Variants in DYRK1A observed in about 807,000 individuals in gnomAD.
DYRK1A encodes the protein dual specificity tyrosine-phosphorylation-regulated kinase 1A.
A neutral mutation model predicts 79.7 loss-of-function variants in DYRK1A; 9 were observed. The ratio of observed to expected loss-of-function variants is 0.11; its 90% CI spans 0.07 to 0.20. The LOEUF (loss-of-function observed/expected upper bound fraction) is 0.20, where lower values mean the gene tolerates loss of function less well. Ranked by LOEUF, DYRK1A falls within the 10% of genes least tolerant of loss-of-function variation. The probability of loss-of-function intolerance (pLI) is 1.00; values close to 1 mark genes in which losing one functional copy is unlikely to be tolerated. For missense variants in DYRK1A, 622 were observed against 956.0 expected (o/e 0.65, Z 4.61); for synonymous variants, 349 against 329.7 (o/e 1.06, Z -0.63).
intron 1 of DYRK1A, 39 bp downstream of exon 1, chr21:37,367,667 C>T (rs1208952136): frequency 6.9e-6 from 1 of 145,020 alleles, no homozygotes; most frequent in Non-Finnish European, 1.5e-5. Flanking sequence ...CCCGGCCTGG[C>T]GCTCGGCTCC....
rs757084747 is a variant in DYRK1A at position 37,519,008 on chromosome 21, A to G, written c.*6477A>G. ...TTTATGGTGCATTACAAAATGTTAT[A>G]AACAAGCCTCCGGGAAAGGCAGAAA... is the stretch of plus-strand genomic sequence containing the variant. On this transcript the variant is annotated 3_prime_UTR_variant, in exon 12 of 12. Transcript: ENST00000647188. The G allele has an allele frequency of 6.6e-6, 1 of 152,236 alleles. No homozygotes were observed. Among genetic ancestry groups the G allele is most frequent in the East Asian group, 1.9e-4 (1 of 5,194 alleles). The allele number at this position is 152,236 out of a possible 1,614,324, so 9.4% of individuals were successfully genotyped here.
At chr21:37,492,899 G>T in intron 7 of DYRK1A, 118 bp from the exon 8 acceptor site, 1 of 764,718 alleles carries the variant, frequency 1.3e-6, no homozygotes, top group Non-Finnish European at 2.0e-6. Flanking sequence ...TTAATCAATG[G>T]AACCCTAATT....
At chr21:37,370,503 G>A (rs1467174101) in intron 1 of DYRK1A, among the ~76,000 whole-genome samples, 1 of 152,146 alleles carries the variant, frequency 6.6e-6, no homozygotes, top group Non-Finnish European at 1.5e-5. Context: ...CTTGGTATTT[G>A]TGATTAGGCG....
intron 9 of DYRK1A, among the ~76,000 whole-genome samples, chr21:37,500,938 TTC>T (rs201988061): frequency 6.0e-5 from 9 of 150,984 alleles, no homozygotes; most frequent in African/African-American, 9.7e-5. Flanking sequence ...TCTTTTTTTT[TTC>T]TTTTCTTTTT....
Position 37,506,208 on chromosome 21 carries a change from G to T in DYRK1A, c.1629G>T (p.Glu543Asp). Reference protein sequence around the residue: ...FTAAVQAMDCETHSPQVRQQF... With the variant: ...FTAAVQAMDCDTHSPQVRQQF... ...CTGCCGTGCAGGCCATGGACTGCGAGACACACAGTCCCCAGGTGAGCTCGC... is the reference window on the plus strand; with the variant it reads ...CTGCCGTGCAGGCCATGGACTGCGATACACACAGTCCCCAGGTGAGCTCGC... The change falls in exon 11 of 12, where the codon GAG (glutamate) becomes GAT (aspartate). Residue 543 changes from glutamate (E) to aspartate (D), a missense_variant. Coordinates refer to ENST00000647188, the MANE Select transcript of DYRK1A (RefSeq NM_001347721.2). 6.2e-7 allele frequency: 1 copy of T among 1,614,146 alleles called. No homozygotes were observed. The highest frequency in any genetic ancestry group is 8.5e-7 in the Non-Finnish European group (1 of 1,180,026).
Position 37,478,245 on chromosome 21 carries a change from C to G in DYRK1A, c.245C>G (p.Ala82Gly). Residue 82 changes from alanine (A) to glycine (G), a missense_variant, in exon 4 of 12, where the codon GCT becomes GGT. Coordinates refer to ENST00000647188, the MANE Select transcript of DYRK1A (RefSeq NM_001347721.2). Reference sequence around the variant, plus strand: ...CAAACCTTCCGTGACCCAGCAACTGCTCCCCTGAGAAAACTTTCTGTTGAC... The same window carrying G: ...CAAACCTTCCGTGACCCAGCAACTGGTCCCCTGAGAAAACTTTCTGTTGAC... ...MPQTFRDPAT[A>G]PLRKLSVDLI... 6.2e-7 allele frequency: 1 copy of G among 1,614,080 alleles called. No homozygotes were observed. The highest frequency in any genetic ancestry group is 2.2e-5 in the East Asian group (1 of 44,874).
intron 1 of DYRK1A, among the ~76,000 whole-genome samples, chr21:37,410,246 A>C (rs929136263): frequency 6.6e-6 from 1 of 152,184 alleles, no homozygotes; most frequent in Non-Finnish European, 1.5e-5. Flanking sequence ...GTTGGAGAAG[A>C]AGCTGAGGAA....
At chr21:37,506,994 A>G (rs902577017) in intron 11 of DYRK1A, among the ~76,000 whole-genome samples, 2 of 152,200 alleles carry the variant, frequency 1.3e-5, no homozygotes, top group African/African-American at 2.4e-5. Context: ...GCAGTCTTAC[A>G]TGTTTTCCAA....
intron 1 of DYRK1A, among the ~76,000 whole-genome samples, chr21:37,373,419 C>T (rs1012380957): frequency 6.6e-6 from 1 of 152,172 alleles, no homozygotes. Context: ...TAAATTTAAG[C>T]TTTCTTATAT....
chr21:37,488,893 A>G, intron 6 of DYRK1A: 1 of 982,142 alleles, frequency 1.0e-6, no homozygotes, highest in Non-Finnish European at 1.2e-6. Flanking sequence ...TTAGTTTTAA[A>G]CCTATAAACT....
At chr21:37,424,926 T>C (rs1048420203) in intron 2 of DYRK1A, among the ~76,000 whole-genome samples, 1 of 152,200 alleles carries the variant, frequency 6.6e-6, no homozygotes. Flanking sequence ...TTGAGTATTA[T>C]AGTTAAAATA....
At chr21:37,442,610 T>C (rs902623362) in intron 2 of DYRK1A, among the ~76,000 whole-genome samples, 1 of 152,150 alleles carries the variant, frequency 6.6e-6, no homozygotes, top group Non-Finnish European at 1.5e-5. Flanking sequence ...TTTTTTAAAA[T>C]AGAGACAGGG....
chr21:37,388,316 T>G (rs1278207970), intron 1 of DYRK1A, among the ~76,000 whole-genome samples: 2 of 151,772 alleles, frequency 1.3e-5, no homozygotes, highest in African/African-American at 4.8e-5. Flanking sequence ...AACTCTGGGC[T>G]CAAGCAGTCC....
chr21:37,457,241 TC>T (rs112122406), intron 2 of DYRK1A, among the ~76,000 whole-genome samples: 2 of 151,612 alleles, frequency 1.3e-5, no homozygotes, highest in African/African-American at 2.4e-5. Context: ...AATTTTTGTA[TC>T]CCCCCCGCAA....
chr21:37,483,035 A>G lies in DYRK1A; in HGVS notation c.489+2209A>G, dbSNP rs986569525. 5.3e-5 allele frequency among the ~76,000 whole-genome samples: 8 copies of G among 152,262 alleles called. No individual in the cohort carries two copies. In the South Asian group the frequency reaches 1.7e-3, roughly 32 times the overall value. ...CTCTACAATTTGTGCAGTTAATGCAATCATCACAGGGTCCTGAGGCGACAT... is the reference window on the plus strand; with the variant it reads ...CTCTACAATTTGTGCAGTTAATGCAGTCATCACAGGGTCCTGAGGCGACAT... On this transcript the variant is annotated intron_variant, in intron 5 of 11. Transcript: ENST00000647188.
At chr21:37,437,052 G>A (rs1316387421) in intron 2 of DYRK1A, among the ~76,000 whole-genome samples, 1 of 152,166 alleles carries the variant, frequency 6.6e-6, no homozygotes, top group Non-Finnish European at 1.5e-5. Flanking sequence ...GAAGGCTACA[G>A]GGTGTGGAAG....
At chr21:37,446,522 A>G (rs1254073284) in intron 2 of DYRK1A, among the ~76,000 whole-genome samples, 2 of 152,174 alleles carry the variant, frequency 1.3e-5, no homozygotes, top group Admixed American at 6.5e-5. Context: ...CTTTCCAGCT[A>G]TTAAAATATT....
At chr21:37,484,069 G>A (rs532168777) in intron 5 of DYRK1A, among the ~76,000 whole-genome samples, 141 of 152,260 alleles carry the variant, frequency 9.3e-4, no homozygotes, top group African/African-American at 2.5e-3. Context: ...GCTCCGCCCC[G>A]TCAGATCAGC....
At chr21:37,406,273 T>G (rs1032943295) in intron 1 of DYRK1A, among the ~76,000 whole-genome samples, 3 of 152,214 alleles carry the variant, frequency 2.0e-5, no homozygotes, top group Non-Finnish European at 4.4e-5. Context: ...ACCAGAAGCA[T>G]ACATTCCATA....
Sources: gnomAD v4.1 joint callset for allele counts (sites outside exome capture counted in the v4.1 genomes callset) on GRCh38, gnomAD v4.1.1 for gene constraint, MANE v1.5 for transcripts, NCBI Gene and HGNC (gene_info 2026-07-23, HGNC 2026-07-21) for gene names.